PLSCR5: variants seen among roughly 807,000 people sequenced by gnomAD.
PLSCR5 encodes the protein phospholipid scramblase family, member 5.
Under a neutral mutation model 33.6 loss-of-function variants are expected in PLSCR5, and 44 were observed. That is an observed-to-expected ratio of 1.31 (90% CI 1.03 to 1.69). PLSCR5 has a LOEUF of 1.69. Among genes scored for constraint, PLSCR5 ranks in the 40% most tolerant of loss-of-function variants. The pLI, the probability that PLSCR5 is intolerant of heterozygous loss-of-function variation, is 0.00. For missense variants in PLSCR5, 375 were observed against 318.7 expected, an observed-to-expected ratio of 1.18 and a Z score of -1.34; for synonymous variants, 148 against 112.3, an observed-to-expected ratio of 1.32 and a Z score of -2.01.
chr3:146,597,778 G>A (rs990495151), intron 2 of PLSCR5, among the ~76,000 whole-genome samples: 2 of 152,100 alleles, frequency 1.3e-5, no homozygotes, highest in Admixed American at 6.6e-5. Context: ...TATGAAAGCT[G>A]TAGAAATGAA....
chr3:146,584,991 C>T (rs1180818213), downstream of PLSCR5, among the ~76,000 whole-genome samples: 1 of 152,074 alleles, frequency 6.6e-6, no homozygotes, highest in African/African-American at 2.4e-5. Context: ...TACATGGCTT[C>T]ATGGTACCTT....
At chr3:146,589,518 G>A in intron 6 of PLSCR5, 135 bp downstream of exon 6, 1 of 836,542 alleles carries the variant, frequency 1.2e-6, no homozygotes. Flanking sequence ...GAAGAACATT[G>A]GTCCTAAGCT....
intron 1 of PLSCR5, among the ~76,000 whole-genome samples, chr3:146,604,696 C>T (rs1460829466): frequency 6.6e-6 from 1 of 151,974 alleles, no homozygotes; most frequent in African/African-American, 2.4e-5. Context: ...ATCCCATTCC[C>T]CTTTATGTCC....
intron 4 of PLSCR5, among the ~76,000 whole-genome samples, chr3:146,592,708 C>T (rs1245769962): frequency 1.3e-5 from 2 of 152,064 alleles, no homozygotes; most frequent in African/African-American, 4.8e-5. Context: ...TATAGATTTG[C>T]TCTGGGATCA....
rs141494465 is a variant in PLSCR5, at chr3:146,601,311, T to A, written c.14-848A>T. Among the ~76,000 whole-genome samples the A allele has an allele frequency of 1.7e-4, 26 of 152,256 alleles. No individual in the cohort carries two copies. The East Asian group carries it at 5.0e-3, about 29-fold the overall frequency. On this transcript the variant is annotated intron_variant, in intron 1 of 7. Coordinates refer to ENST00000443512, the MANE Select transcript of PLSCR5 (RefSeq NM_001085420.2). ...TATAAATGATAGCCTTTCTACTATT[T>A]TTTTCTTCTCACATAACTACCACTT...
At chr3:146,594,753 A>G (rs2044743993) in intron 3 of PLSCR5, among the ~76,000 whole-genome samples, 1 of 152,166 alleles carries the variant, frequency 6.6e-6, no homozygotes, top group African/African-American at 2.4e-5. Context: ...ATTAGCATCC[A>G]CGGAAATGAT....
chr3:146,584,049 C>T (rs573659059), downstream of PLSCR5, among the ~76,000 whole-genome samples: 105 of 152,220 alleles, frequency 6.9e-4, no homozygotes, highest in African/African-American at 2.4e-3. Context: ...GGGGGGAAGA[C>T]AATTTCCCAG....
Position 146,600,383 on chromosome 3 carries a change from T to C in PLSCR5, c.94A>G (p.Asn32Asp). The C allele has an allele frequency of 6.2e-7, 1 of 1,610,832 alleles. No individual in the cohort carries two copies. The highest frequency in any genetic ancestry group is 1.3e-5 in the African/African-American group (1 of 74,990). Residue 32 changes from asparagine to aspartate, a missense_variant, in exon 2 of 8, where the codon AAT becomes GAT. Coordinates refer to ENST00000443512, the MANE Select transcript of PLSCR5 (RefSeq NM_001085420.2). ...AGCTGCCATGCTTGGTTCCCTGGAT[T>C]GGAAGAGGCAGGAAGGCTTTGGTCT... ...DPDQSLPASS[N>D]PGNQAWQLSL...
chr3:146,594,058 G>C lies in PLSCR5; in HGVS notation c.315C>G (p.Ser105Arg). The change falls in exon 4 of 8, where the codon AGC (serine) becomes AGG (arginine). Residue 105 changes from serine to arginine, a missense_variant. By Grantham distance (110) the Ser-to-Arg change is moderately radical. Coordinates refer to ENST00000443512, the MANE Select transcript of PLSCR5 (RefSeq NM_001085420.2). ...GQRIYFAVEESICFNRTFCST... is the reference protein window; with the variant it reads ...GQRIYFAVEERICFNRTFCST... ...AACAGAAAGTACGATTGAAGCAGAT[G>C]CTTTCCTCCACTGCAAAGTAAATTC... is the stretch of plus-strand genomic sequence containing the variant. The C allele has an allele frequency of 6.2e-7, 1 of 1,613,704 alleles. No individual in the cohort carries two copies. The highest frequency in any genetic ancestry group is 8.5e-7 in the Non-Finnish European group (1 of 1,179,758).
chr3:146,579,848 C>G (rs1033521106), intron 7 of PLSCR5, among the ~76,000 whole-genome samples: 2 of 152,182 alleles, frequency 1.3e-5, no homozygotes, highest in African/African-American at 4.8e-5. Flanking sequence ...GTGGCCTAGC[C>G]TAAGAGAGTC....
chr3:146,576,815 T>C (rs189465543), intron 7 of PLSCR5: 1 of 152,184 alleles, frequency 6.6e-6, no homozygotes, highest in African/African-American at 2.4e-5. Context: ...ATTACAGTAC[T>C]ATAATATAAA....
At chr3:146,580,904 G>A (rs995552702), downstream of PLSCR5, among the ~76,000 whole-genome samples, 3 of 152,102 alleles carry the variant, frequency 2.0e-5, no homozygotes, top group Non-Finnish European at 4.4e-5. Context: ...ATGGGTTTGA[G>A]GGTGTAAAAT....
At position 146,593,909 on chromosome 3, in the gene PLSCR5, C is replaced by T; in HGVS notation, c.453+11G>A. ...AAAAATCAAAAAGGACAACCAGAGC[C>T]AGTAACTAACCTCTTGTAGGTAGCA... On this transcript the variant is annotated intron_variant, in intron 4 of 7. Coordinates refer to ENST00000443512, the MANE Select transcript of PLSCR5 (RefSeq NM_001085420.2). 6.2e-7 allele frequency: 1 copy of T among 1,607,308 alleles called. No homozygotes were observed. The highest frequency in any genetic ancestry group is 8.5e-7 in the Non-Finnish European group (1 of 1,174,232).
chr3:146,587,596 A>AG (rs932758557), intron 6 of PLSCR5, among the ~76,000 whole-genome samples: 2 of 152,080 alleles, frequency 1.3e-5, no homozygotes, highest in African/African-American at 4.8e-5. Flanking sequence ...CAGTAAGCAA[A>AG]GGAAGGGTGA....
At chr3:146,580,269 C>T (rs746876514) in intron 7 of PLSCR5, among the ~76,000 whole-genome samples, 2 of 152,000 alleles carry the variant, frequency 1.3e-5, no homozygotes, top group Non-Finnish European at 2.9e-5. Flanking sequence ...CCATATCTAA[C>T]GAAATGCCAA....
chr3:146,588,945 A>G, intron 6 of PLSCR5, among the ~76,000 whole-genome samples: 1 of 151,594 alleles, frequency 6.6e-6, no homozygotes, highest in East Asian at 1.9e-4. Flanking sequence ...GTGTTTATAT[A>G]TCAACAAATA....
At chr3:146,602,761 A>G (rs1021105105) in intron 1 of PLSCR5, among the ~76,000 whole-genome samples, 4 of 152,108 alleles carry the variant, frequency 2.6e-5, no homozygotes, top group South Asian at 2.1e-4. Flanking sequence ...CTGTAACAAA[A>G]TGCAGTAGGT....
At chr3:146,582,885 T>G (rs1269201259), downstream of PLSCR5, among the ~76,000 whole-genome samples, 1 of 152,176 alleles carries the variant, frequency 6.6e-6, no homozygotes, top group Non-Finnish European at 1.5e-5. Flanking sequence ...GAGATGTCTT[T>G]TCAGGCTTTT....
downstream of PLSCR5, among the ~76,000 whole-genome samples, chr3:146,581,415 T>A (rs1317522797): frequency 2.6e-5 from 4 of 152,244 alleles, no homozygotes; most frequent in African/African-American, 9.6e-5. Context: ...GGCAGGAACC[T>A]TGTTGCTTTT....
Sources: allele counts gnomAD v4.1 joint callset (sites outside exome capture counted in the v4.1 genomes callset), GRCh38; gene constraint gnomAD v4.1.1; transcripts MANE v1.5; gene names NCBI Gene and HGNC (gene_info 2026-07-23, HGNC 2026-07-21).